GDPD5: variants seen among roughly 807,000 people sequenced by gnomAD.
The protein encoded by GDPD5 is glycerophosphodiester phosphodiesterase domain containing 5.
GDPD5 carries 48 observed loss-of-function variants against 75.1 expected under a neutral mutation model. The ratio of observed to expected loss-of-function variants is 0.64; its 90% CI spans 0.51 to 0.81. The LOEUF (loss-of-function observed/expected upper bound fraction) is 0.81. GDPD5 is among the 40% of genes least tolerant of loss of function. The pLI, the probability that GDPD5 is intolerant of heterozygous loss-of-function variation, is 0.00. For synonymous variants in GDPD5, 336 were observed against 339.0 expected (o/e 0.99, Z 0.10); for missense variants, 706 against 822.6 (o/e 0.86, Z 1.73).
At chr11:75,499,024 A>ATTCCCTTAGCAGGT (rs1424011937) in intron 1 of GDPD5, among the ~76,000 whole-genome samples, 1 of 151,692 alleles carries the variant, frequency 6.6e-6, no homozygotes, top group Non-Finnish European at 1.5e-5. Context: ...TACGTTTCCT[A>ATTCCCTTAGCAGGT]TTCCCTTAGC....
intron 2 of GDPD5, chr11:75,479,495 A>T (rs1010728959): frequency 6.6e-6 from 1 of 152,200 alleles, no homozygotes; most frequent in African/African-American, 2.4e-5. Flanking sequence ...AGCCCTAGGA[A>T]GGAAGGAAGG....
intron 1 of GDPD5, among the ~76,000 whole-genome samples, chr11:75,518,349 C>T (rs535950132): frequency 2.0e-5 from 3 of 152,270 alleles, no homozygotes; most frequent in South Asian, 2.1e-4. Context: ...GAAGCAGCCT[C>T]GGAAGGAATG....
At chr11:75,454,734 A>G (rs999373797) in intron 6 of GDPD5, among the ~76,000 whole-genome samples, 11 of 152,256 alleles carry the variant, frequency 7.2e-5, no homozygotes, top group Non-Finnish European at 1.3e-4. Context: ...AAGAAAAAAG[A>G]AAAAGGAAAT....
intron 6 of GDPD5, chr11:75,455,304 C>G: frequency 2.2e-6 from 1 of 455,480 alleles, no homozygotes; most frequent in South Asian, 1.5e-5. Flanking sequence ...AGCTTTGCAG[C>G]CAGGAGAAGA....
intron 9 of GDPD5, 51 bp from the exon 10 acceptor site, chr11:75,444,546 C>T (rs1214483559): frequency 2.2e-6 from 3 of 1,348,658 alleles, no homozygotes; most frequent in Middle Eastern, 1.8e-4. Context: ...CTGATGTACC[C>T]TCCCCAGCCA....
In GDPD5 at chr11:75,441,786, G is replaced by A. The variant is rs760878128; in HGVS notation, c.1185C>T (p.Ser395=). ...CCTTCCGCACCAGGGGCCTCTGCCT[G>A]CTAGGCAGCCACATGACCTGCAGGC... is the stretch of plus-strand genomic sequence containing the variant. ...FPQHQVMWLP[S]RQRPLVRKVA... Residue 395 remains serine, a synonymous_variant, in exon 13 of 17, where the codon AGC becomes AGT. Transcript: ENST00000336898. The A allele has an allele frequency of 1.9e-6, 3 of 1,609,290 alleles. No individual in the cohort carries two copies. The Admixed American group carries it at 5.0e-5, about 27-fold the overall frequency.
chr11:75,505,913 C>T (rs890202644), intron 1 of GDPD5, among the ~76,000 whole-genome samples: 1 of 152,184 alleles, frequency 6.6e-6, no homozygotes, highest in Admixed American at 6.5e-5. Flanking sequence ...CTAGGTTTCT[C>T]TCCAAGAATT....
At chr11:75,512,281 G>GACACACACGCAC (rs1950538467) in intron 1 of GDPD5, among the ~76,000 whole-genome samples, 1 of 123,100 alleles carries the variant, frequency 8.1e-6, no homozygotes, top group African/African-American at 3.0e-5. Context: ...AATTGGGAAG[G>GACACACACGCAC]ACACACACAC....
At position 75,456,791 on chromosome 11, in the gene GDPD5, A is replaced by G; in HGVS notation, c.341T>C (p.Val114Ala). The G allele has an allele frequency of 6.2e-7, 1 of 1,614,194 alleles. No individual in the cohort carries two copies. The highest frequency in any genetic ancestry group is 1.3e-5 in the African/African-American group (1 of 75,042). Residue 114 changes from valine to alanine, a missense_variant, in exon 6 of 17, where the codon GTG becomes GCG. Physicochemically the swap from Val to Ala is moderately conservative, Grantham distance 64. Transcript: ENST00000336898. ...CCAGTGCAGGTTCATCTGCTGCCCCACGGCAATGTGACATAGTGCCAGGAC... is the reference window on the plus strand; with the variant it reads ...CCAGTGCAGGTTCATCTGCTGCCCCGCGGCAATGTGACATAGTGCCAGGAC... ...LLVLALCHIA[V>A]GQQMNLHWLH...
intron 1 of GDPD5, among the ~76,000 whole-genome samples, chr11:75,501,450 G>C (rs945712478): frequency 6.6e-6 from 1 of 152,240 alleles, no homozygotes; most frequent in Admixed American, 6.5e-5. Context: ...GCTCCCAGAA[G>C]TACATGGAGC....
chr11:75,453,616 T>TAAA (rs59758693), intron 6 of GDPD5, among the ~76,000 whole-genome samples: 2 of 136,928 alleles, frequency 1.5e-5, no homozygotes, highest in African/African-American at 5.5e-5. Flanking sequence ...AGACTGTCTC[T>TAAA]AAAAAAAAAA....
intron 1 of GDPD5, among the ~76,000 whole-genome samples, chr11:75,521,121 C>G (rs746452951): frequency 6.6e-6 from 1 of 152,204 alleles, no homozygotes; most frequent in South Asian, 2.1e-4. Flanking sequence ...CAGAACCCAC[C>G]CTGCTCCCCA....
At chr11:75,436,890 A>G in intron 16 of GDPD5, 46 bp downstream of exon 16, 1 of 1,442,076 alleles carries the variant, frequency 6.9e-7, no homozygotes, top group Non-Finnish European at 9.7e-7. Context: ...GGGGTGCAGA[A>G]AGCTGGGCCC....
chr11:75,435,633 G>T lies in GDPD5; in HGVS notation c.1692C>A (p.Val564=), dbSNP rs1332204678. The T allele has an allele frequency of 1.2e-6, 2 of 1,613,202 alleles. No individual in the cohort carries two copies. Among genetic ancestry groups the T allele is most frequent in the South Asian group, 1.1e-5 (1 of 90,998 alleles). ...IFSEISDGVE[V]SDVLSVCSDN... ...CTGAACATACGGAGAGCACATCGGA[G>T]ACCTCTACACCATCGCTGATCTCTG... Residue 564 remains valine, a synonymous_variant, in exon 17 of 17, where the codon GTC becomes GTA. Coordinates refer to ENST00000336898, the MANE Select transcript of GDPD5 (RefSeq NM_030792.8).
intron 4 of GDPD5, among the ~76,000 whole-genome samples, chr11:75,458,702 T>A (rs549777501): frequency 7.9e-5 from 12 of 150,962 alleles, no homozygotes; most frequent in African/African-American, 1.2e-4. Context: ...ATAAATAAAA[T>A]AAATAAATAA....
At chr11:75,522,495 C>G (rs555286056) in intron 1 of GDPD5, among the ~76,000 whole-genome samples, 3 of 152,256 alleles carry the variant, frequency 2.0e-5, no homozygotes, top group Admixed American at 1.3e-4. Flanking sequence ...TACTCCTCCC[C>G]GTCACCACCT....
chr11:75,439,451 C>T (rs1206143242), intron 15 of GDPD5: 6 of 427,880 alleles, frequency 1.4e-5, no homozygotes, highest in African/African-American at 1.2e-4. Flanking sequence ...GAACATCAGT[C>T]AAGAATAAAA....
chr11:75,470,907 C>T (rs977551630), intron 3 of GDPD5, among the ~76,000 whole-genome samples: 1 of 152,178 alleles, frequency 6.6e-6, no homozygotes, highest in Admixed American at 6.5e-5. Flanking sequence ...CCCAAGGCAG[C>T]CCTTTCCCCC....
chr11:75,443,235 G>C lies in GDPD5; in HGVS notation c.849C>G (p.Thr283=). 6.2e-7 allele frequency: 1 copy of C among 1,609,368 alleles called. No individual in the cohort carries two copies. Among genetic ancestry groups the C allele is most frequent in the Non-Finnish European group, 8.5e-7 (1 of 1,178,460 alleles). ...GCTCCGGGAACTCCTCCTCCACGTT[G>C]GTGGTGCGCCGCAGGGTGGTGTCAT... ...LMHDTTLRRT[T]NVEEEFPELA... Residue 283 remains threonine (T), a synonymous_variant, in exon 11 of 17, where the codon ACC becomes ACG. Coordinates refer to ENST00000336898, the MANE Select transcript of GDPD5 (RefSeq NM_030792.8).
Sources: allele counts gnomAD v4.1 joint callset (sites outside exome capture counted in the v4.1 genomes callset), GRCh38; gene constraint gnomAD v4.1.1; transcripts MANE v1.5; gene names NCBI Gene and HGNC (gene_info 2026-07-23, HGNC 2026-07-21).